CPSF4L: variants seen among roughly 807,000 people sequenced by gnomAD.
CPSF4L encodes the protein putative cleavage and polyadenylation specificity factor subunit 4-like protein.
CPSF4L carries 18 observed loss-of-function variants against 24.0 expected under a neutral mutation model. The ratio of observed to expected loss-of-function variants is 0.75; its 90% CI spans 0.52 to 1.11. The LOEUF (loss-of-function observed/expected upper bound fraction) is 1.11, where lower values mean the gene tolerates loss of function less well. Among genes scored for constraint, CPSF4L ranks in the 50% least tolerant of loss-of-function variants. CPSF4L has a pLI of 0.00. For missense variants in CPSF4L, 211 were observed against 221.8 expected, an observed-to-expected ratio of 0.95 and a Z score of 0.31; for synonymous variants, 72 against 77.2, an observed-to-expected ratio of 0.93 and a Z score of 0.35.
chr17:73,247,309 G>A (rs2061965035), downstream of CPSF4L: 3 of 1,614,036 alleles, frequency 1.9e-6, no homozygotes, highest in Non-Finnish European at 2.5e-6. Context: ...GAAGACGACT[G>A]GGGATTGCCG....
At chr17:73,252,513 A>C in intron 5 of CPSF4L, 117 bp downstream of exon 5, 1 of 710,914 alleles carries the variant, frequency 1.4e-6, no homozygotes, top group Non-Finnish European at 2.5e-6. Flanking sequence ...ACTGGAGCGG[A>C]TGCTTGCCAG....
Position 73,259,753 on chromosome 17 carries a change from C to T in CPSF4L, c.154+1180G>A, listed in dbSNP as rs138836807. On this transcript the variant is annotated intron_variant, in intron 2 of 5. Coordinates refer to ENST00000344935, the MANE Select transcript of CPSF4L (RefSeq NM_001129885.1). ...CCCCAAGACAAACAAGGCAGGTGGG[C>T]GAACATGGCCCCAGGTCCTCCTTTC... Among the ~76,000 whole-genome samples, 290 of 152,312 alleles carry T rather than the reference C, an allele frequency of 1.9e-3. 1 individual carries two copies. The highest frequency in any genetic ancestry group is 8.3e-3 in the East Asian group (43 of 5,186).
Position 73,257,801 on chromosome 17 carries a change from C to A in CPSF4L, c.187G>T (p.Glu63Ter), listed in dbSNP as rs1252338977. Reference protein sequence around the residue: ...KLCPFRHDRGEKMVVCKHWLR... With the variant: ...KLCPFRHDRG ...CAGTGCTTGCATACCACCATCTTCTCCCCTCGGTCATGTCGGAAGGGGCAG... is the reference window on the plus strand; with the variant it reads ...CAGTGCTTGCATACCACCATCTTCTACCCTCGGTCATGTCGGAAGGGGCAG... The change falls in exon 3 of 6, where the codon GAG becomes TAG. Residue 63 changes from glutamate to a stop codon, truncating the protein, a stop_gained. Coordinates refer to ENST00000344935, the MANE Select transcript of CPSF4L (RefSeq NM_001129885.1). LOFTEE classifies it high-confidence loss of function. 3.2e-6 allele frequency: 5 copies of A among 1,551,490 alleles called. No individual in the cohort carries two copies. Among genetic ancestry groups the A allele is most frequent in the Non-Finnish European group, 4.4e-6 (5 of 1,146,972 alleles).
chr17:73,243,164 AT>A, the CPSF4L span: 8 of 657,984 alleles, frequency 1.2e-5, no homozygotes, highest in Admixed American at 2.4e-5. Context: ...TCTGGGTTTT[AT>A]TTTTTTGAGA....
At position 73,248,935 on chromosome 17, in the gene CPSF4L, T is replaced by C. The variant is rs544359720; in HGVS notation, c.498-399A>G. Reference sequence around the variant, plus strand: ...ATACTACTTCCGCCACTCTTCATAATAAAATTATTTGTAAAATATAAAAAG... The same window carrying C: ...ATACTACTTCCGCCACTCTTCATAACAAAATTATTTGTAAAATATAAAAAG... On this transcript the variant is annotated intron_variant, in intron 5 of 5. Transcript: ENST00000344935. 5 of 167,756 alleles carry C rather than the reference T, an allele frequency of 3.0e-5. No individual in the cohort carries two copies. The East Asian group carries it at 8.8e-4, about 30-fold the overall frequency. The allele number at this position is 167,756 out of a possible 1,614,324, so 10.4% of individuals were successfully genotyped here.
intron 5 of CPSF4L, chr17:73,250,914 C>T (rs2145274218): frequency 1.5e-6 from 2 of 1,329,070 alleles, no homozygotes; most frequent in South Asian, 3.2e-5. Context: ...CCTGATCATT[C>T]CTTGCCCTCC....
At chr17:73,261,674 C>CA in intron 1 of CPSF4L, 42 bp downstream of exon 1, 1 of 1,325,808 alleles carries the variant, frequency 7.5e-7, no homozygotes, top group Non-Finnish European at 1.1e-6. Context: ...GAAAAAAAAA[C>CA]AGAGAAGGTA....
downstream of CPSF4L, chr17:73,248,282 A>T (rs1319668594): frequency 3.6e-6 from 2 of 552,108 alleles, no homozygotes; most frequent in South Asian, 4.6e-5. Flanking sequence ...ACTGCTACCC[A>T]CAGAAGCCAG....
chr17:73,256,434 A>G (rs1321141729), intron 3 of CPSF4L, among the ~76,000 whole-genome samples: 1 of 152,182 alleles, frequency 6.6e-6, no homozygotes, highest in Non-Finnish European at 1.5e-5. Context: ...CATTGGCACT[A>G]ATGAGGAGCA....
rs557374723 is a variant in CPSF4L at position 73,261,472 on chromosome 17, T to C, written c.103+244A>G. On this transcript the variant is annotated intron_variant, in intron 1 of 5. Coordinates refer to ENST00000344935, the MANE Select transcript of CPSF4L (RefSeq NM_001129885.1). The stretch of plus-strand genomic sequence containing the variant: ...GTCAGGAGATTGAGACCATCCTGGC[T>C]AACATGGTGAAACCCGGTCTCTACT... Among the ~76,000 whole-genome samples, 157 of 152,046 alleles carry C rather than the reference T, an allele frequency of 1.0e-3. 1 individual carries two copies. The highest frequency in any genetic ancestry group is 2.5e-3 in the African/African-American group (105 of 41,474).
intron 5 of CPSF4L, chr17:73,250,213 G>A (rs553855471): frequency 6.5e-7 from 1 of 1,544,652 alleles, no homozygotes; most frequent in Admixed American, 2.0e-5. Context: ...TAAGACCATT[G>A]AGCATCTTCT....
intron 2 of CPSF4L, among the ~76,000 whole-genome samples, chr17:73,258,796 C>T (rs1047765819): frequency 2.6e-5 from 4 of 152,342 alleles, no homozygotes; most frequent in Non-Finnish European, 2.9e-5. Context: ...AGCCCAGAAT[C>T]CCCACACCCA....
chr17:73,252,512 G>A, intron 5 of CPSF4L, 118 bp downstream of exon 5: 2 of 708,746 alleles, frequency 2.8e-6, no homozygotes, highest in Non-Finnish European at 5.1e-6. Flanking sequence ...TACTGGAGCG[G>A]ATGCTTGCCA....
chr17:73,252,092 G>A (rs2062008089), intron 5 of CPSF4L, among the ~76,000 whole-genome samples: 1 of 152,230 alleles, frequency 6.6e-6, no homozygotes, highest in African/African-American at 2.4e-5. Flanking sequence ...GCTTCCCTGG[G>A]GAGCAGAAAG....
chr17:73,263,357 C>T (rs1302754238), upstream of CPSF4L, among the ~76,000 whole-genome samples: 3 of 152,120 alleles, frequency 2.0e-5, no homozygotes, highest in Admixed American at 1.3e-4. Context: ...ACTAGGGCCA[C>T]GTCCCTATCC....
chr17:73,247,225 T>A, downstream of CPSF4L: 1 of 1,609,168 alleles, frequency 6.2e-7, no homozygotes, highest in Non-Finnish European at 8.5e-7. Flanking sequence ...AAATATTTAC[T>A]ATCTGGCCTT....
rs941991466 is a variant in CPSF4L, at chr17:73,252,842, G to C, written c.404-119C>G. ...ATAGGGGCTTCACTTAATAGGGGTG[G>C]ATAAATCTTCCCATCCTTTCTGTAC... On this transcript the variant is annotated intron_variant, in intron 4 of 5. Transcript: ENST00000344935. The C allele has an allele frequency of 9.6e-6, 6 of 626,458 alleles. No homozygotes were observed. In the African/African-American group the frequency reaches 1.1e-4, roughly 12 times the overall value. 38.8% of individuals were successfully genotyped at this position (626,458 alleles called of 1,614,324 possible).
chr17:73,250,895 C>A (rs2062002965), intron 5 of CPSF4L: 1 of 1,167,244 alleles, frequency 8.6e-7, no homozygotes, highest in East Asian at 2.6e-5. Flanking sequence ...AGGAGTCATT[C>A]TCCAGCTCCC....
At chr17:73,246,192 C>T (rs1433189508), downstream of CPSF4L, among the ~76,000 whole-genome samples, 5 of 152,312 alleles carry the variant, frequency 3.3e-5, no homozygotes, top group East Asian at 9.6e-4. Context: ...GTGGTGTCCT[C>T]ATGCCAAAAT....
Sources: allele counts gnomAD v4.1 joint callset (sites outside exome capture counted in the v4.1 genomes callset), GRCh38; gene constraint gnomAD v4.1.1; transcripts MANE v1.5; gene names NCBI Gene and HGNC (gene_info 2026-07-23, HGNC 2026-07-21).